The following PSMA3 variants were observed in gnomAD, a reference collection of about 807,000 sequenced individuals.
PSMA3 encodes proteasome 20S subunit alpha 3, also known as proteasome subunit alpha type-3.
In PSMA3, 8 loss-of-function variants were observed where a neutral mutation model predicts 40.0. The observed-to-expected ratio is 0.20, with a 90% CI of 0.12 to 0.36. The LOEUF (loss-of-function observed/expected upper bound fraction) is 0.36, where lower values mean the gene tolerates loss of function less well. Among genes scored for constraint, PSMA3 ranks in the 10% least tolerant of loss-of-function variants. The pLI, the probability that PSMA3 is intolerant of heterozygous loss-of-function variation, is 1.00. For missense variants in PSMA3, 219 were observed against 310.6 expected, an observed-to-expected ratio of 0.70 and a Z score of 2.22; for synonymous variants, 110 against 100.0, an observed-to-expected ratio of 1.10 and a Z score of -0.59.
intron 1 of PSMA3, 125 bp from the exon 2 acceptor site, chr14:58,247,625 T>C (rs1889909384): frequency 1.6e-6 from 1 of 614,456 alleles, no homozygotes; most frequent in Non-Finnish European, 2.9e-6. Context: ...CCCTTTCCTC[T>C]CTTGAAAGCA....
At chr14:58,263,368 C>T (rs1440112592) in intron 6 of PSMA3, among the ~76,000 whole-genome samples, 1 of 152,086 alleles carries the variant, frequency 6.6e-6, no homozygotes. Flanking sequence ...AACTTTATTT[C>T]TGTCTCTCAG....
At chr14:58,259,257 A>C (rs534020716) in intron 5 of PSMA3, among the ~76,000 whole-genome samples, 1 of 151,740 alleles carries the variant, frequency 6.6e-6, no homozygotes, top group African/African-American at 2.4e-5. Flanking sequence ...TAACTTCTCT[A>C]CTCTTTTTAA....
intron 8 of PSMA3, 136 bp downstream of exon 8, chr14:58,267,656 C>G: frequency 2.4e-6 from 3 of 1,257,230 alleles, no homozygotes; most frequent in Non-Finnish European, 3.0e-6. Context: ...ATTTAACATT[C>G]TAAGAAGCCT....
intron 5 of PSMA3, 197 bp downstream of exon 5, chr14:58,258,195 T>C (rs1412967747): frequency 6.0e-6 from 3 of 503,718 alleles, no homozygotes; most frequent in Non-Finnish European, 1.1e-5. Context: ...CCCAGTACTT[T>C]GGGAGGTTGA....
chr14:58,254,081 T>A (rs7158746), intron 3 of PSMA3, among the ~76,000 whole-genome samples: 105,816 of 150,766 alleles, frequency 0.7, 37,561 homozygotes, highest in Middle Eastern at 0.87. Flanking sequence ...GTAGGCCCCA[T>A]TGTCTGTTGT....
intron 3 of PSMA3, among the ~76,000 whole-genome samples, chr14:58,253,399 C>G (rs1365194872): frequency 6.6e-6 from 1 of 152,132 alleles, no homozygotes; most frequent in African/African-American, 2.4e-5. Context: ...GAAAAGACAC[C>G]TTATATGACC....
intron 3 of PSMA3, among the ~76,000 whole-genome samples, chr14:58,255,626 G>T (rs1427034671): frequency 6.6e-6 from 1 of 152,126 alleles, no homozygotes; most frequent in African/African-American, 2.4e-5. Flanking sequence ...AAAATTAGCC[G>T]GGCGTGGTGG....
intron 7 of PSMA3, chr14:58,266,319 G>A (rs1054084323): frequency 6.6e-6 from 1 of 152,160 alleles, no homozygotes; most frequent in African/African-American, 2.4e-5. Context: ...ATATATAGTA[G>A]TTGAATCACC....
intron 8 of PSMA3, among the ~76,000 whole-genome samples, chr14:58,268,382 A>C (rs895296448): frequency 2.6e-5 from 4 of 152,144 alleles, no homozygotes; most frequent in Admixed American, 6.5e-5. Context: ...GGAAGAAAAA[A>C]ATTCCAATGG....
intron 2 of PSMA3, among the ~76,000 whole-genome samples, chr14:58,248,062 C>G (rs988919690): frequency 6.6e-6 from 1 of 151,956 alleles, no homozygotes; most frequent in African/African-American, 2.4e-5. Context: ...GTGTATAAAT[C>G]ACATTCATTA....
intron 1 of PSMA3, among the ~76,000 whole-genome samples, chr14:58,246,374 A>C (rs1889880270): frequency 6.6e-6 from 1 of 152,176 alleles, no homozygotes; most frequent in Non-Finnish European, 1.5e-5. Context: ...TTACTCCCAG[A>C]ACCAACGCTT....
At chr14:58,258,027 G>T (rs1450413464) in intron 5 of PSMA3, 29 bp downstream of exon 5, 2 of 1,529,216 alleles carry the variant, frequency 1.3e-6, no homozygotes, top group Non-Finnish European at 1.8e-6. Flanking sequence ...TATTCAAAAG[G>T]CAGATCTGTA....
At chr14:58,256,416 C>CTTT (rs377353285) in intron 3 of PSMA3, among the ~76,000 whole-genome samples, 2 of 136,638 alleles carry the variant, frequency 1.5e-5, no homozygotes, top group African/African-American at 5.4e-5. Flanking sequence ...TGAGCATTTC[C>CTTT]TTTTTTTTTT....
At position 58,270,426 on chromosome 14, in the gene PSMA3, T is replaced by A. The variant is rs745454675; in HGVS notation, c.599T>A (p.Ile200Lys). 5 of 1,613,454 alleles carry A rather than the reference T, an allele frequency of 3.1e-6. No homozygotes were observed. Among genetic ancestry groups the A allele is most frequent in the Non-Finnish European group, 3.4e-6 (4 of 1,179,688 alleles). Residue 200 changes from isoleucine to lysine, a missense_variant, in exon 9 of 11, where the codon ATA becomes AAA. Coordinates refer to ENST00000216455, the MANE Select transcript of PSMA3 (RefSeq NM_002788.4). ...IVKEVAKIIYIVHDEVKDKAF... is the reference protein window; with the variant it reads ...IVKEVAKIIYKVHDEVKDKAF... The stretch of plus-strand genomic sequence containing the variant: ...TCCCTTTTCTATTCTAGAATTTACA[T>A]AGTACATGACGAAGTTAAGGATAAA...
At chr14:58,260,264 T>C (rs892749575) in intron 5 of PSMA3, among the ~76,000 whole-genome samples, 1 of 152,340 alleles carries the variant, frequency 6.6e-6, no homozygotes, top group Admixed American at 6.5e-5. Flanking sequence ...TCTAGATTAC[T>C]TGCAATACCT....
At chr14:58,263,374 C>T (rs903850031) in intron 6 of PSMA3, 9 of 171,920 alleles carry the variant, frequency 5.2e-5, no homozygotes, top group East Asian at 3.3e-4. Context: ...ATTTCTGTCT[C>T]TCAGGAATAT....
chr14:58,264,180 A>G (rs1375692697), intron 7 of PSMA3, among the ~76,000 whole-genome samples: 1 of 152,212 alleles, frequency 6.6e-6, no homozygotes, highest in East Asian at 1.9e-4. Flanking sequence ...TGATTTCACA[A>G]AATCCTTGAA....
rs1890640363 is a variant in PSMA3 at position 58,271,981 on chromosome 14, T to C, written c.*86T>C. 1 of 996,716 alleles carries C rather than the reference T, an allele frequency of 1.0e-6. No homozygotes were observed. Among genetic ancestry groups the C allele is most frequent in the Non-Finnish European group, 1.5e-6 (1 of 664,116 alleles). The allele number at this position is 996,716 out of a possible 1,614,324, so 61.7% of individuals were successfully genotyped here. On this transcript the variant is annotated 3_prime_UTR_variant, in exon 11 of 11. Transcript: ENST00000216455. ...CCCTGGATTATACATACTGTCCAAT[T>C]TTCATTAAATTTTTGTCTTATAACT...
chr14:58,271,759 C>G, intron 10 of PSMA3, 92 bp from the exon 11 acceptor site: 1 of 870,566 alleles, frequency 1.1e-6, no homozygotes, highest in Non-Finnish European at 1.9e-6. Flanking sequence ...AATTTAACCA[C>G]TTAATTCAGG....
Sources: gnomAD v4.1 joint callset for allele counts (sites outside exome capture counted in the v4.1 genomes callset) on GRCh38, gnomAD v4.1.1 for gene constraint, MANE v1.5 for transcripts, NCBI Gene and HGNC (gene_info 2026-07-23, HGNC 2026-07-21) for gene names.